The following CTNNA2 variants were observed in gnomAD, a reference collection of about 807,000 sequenced individuals.
The protein encoded by CTNNA2 is catenin alpha 2, also known as catenin alpha-2.
Under a neutral mutation model 101.0 loss-of-function variants are expected in CTNNA2, and 42 were observed. That is an observed-to-expected ratio of 0.42 (90% CI 0.32 to 0.54). The LOEUF (loss-of-function observed/expected upper bound fraction) is 0.54. Ranked by LOEUF, CTNNA2 falls within the 20% of genes least tolerant of loss-of-function variation. The pLI, the probability that CTNNA2 is intolerant of heterozygous loss-of-function variation, is 0.14. For synonymous variants in CTNNA2, 450 were observed against 456.4 expected (o/e 0.99, Z 0.18); for missense variants, 871 against 1,223.1 (o/e 0.71, Z 4.29).
At chr2:79,746,334 T>C (rs1671645912) in intron 3 of CTNNA2, among the ~76,000 whole-genome samples, 1 of 152,172 alleles carries the variant, frequency 6.6e-6, no homozygotes, top group Non-Finnish European at 1.5e-5. Context: ...GATTGGCAAA[T>C]ATTTTCTCCC....
At position 80,555,818 on chromosome 2, in the gene CTNNA2, G is replaced by T; in HGVS notation, c.1666G>T (p.Ala556Ser). 1 of 1,598,440 alleles carries T rather than the reference G, an allele frequency of 6.3e-7. No individual in the cohort carries two copies. Among genetic ancestry groups the T allele is most frequent in the East Asian group, 2.3e-5 (1 of 44,262 alleles). ...RAARVIHIINAEMENYEAGVY... is the reference protein window; with the variant it reads ...RAARVIHIINSEMENYEAGVY... ...AGCTCGAGTCATACACATCATCAAT[G>T]CTGAGATGGAGAACTATGAAGCTGG... Residue 556 changes from alanine to serine, a missense_variant, in exon 12 of 19, where the codon GCT becomes TCT. This residue lies in a region of CTNNA2 where 647 missense variants were observed against 831.5 expected (regional missense o/e 0.78). Coordinates refer to ENST00000402739, the MANE Select transcript of CTNNA2 (RefSeq NM_001282597.3).
At chr2:79,268,098 T>G (rs1675010318) in intron 2 of CTNNA2, among the ~76,000 whole-genome samples, 1 of 152,138 alleles carries the variant, frequency 6.6e-6, no homozygotes, top group African/African-American at 2.4e-5. Context: ...TCATGGTGGC[T>G]GTCCCCTGTA....
chr2:79,584,270 T>C (rs1381536204), intron 1 of CTNNA2, among the ~76,000 whole-genome samples: 1 of 152,164 alleles, frequency 6.6e-6, no homozygotes, highest in Non-Finnish European at 1.5e-5. Context: ...CTATGGTTCA[T>C]AAAAAGAGGT....
chr2:79,781,094 G>A (rs567609909), intron 3 of CTNNA2, among the ~76,000 whole-genome samples: 14 of 152,216 alleles, frequency 9.2e-5, no homozygotes, highest in Middle Eastern at 3.4e-3. Context: ...CTCCATAGAC[G>A]GAGCCAGTCC....
In CTNNA2 at chr2:80,367,202, G is replaced by A. The variant is rs578106941; in HGVS notation, c.1057-26009G>A. 3.6e-4 allele frequency among the ~76,000 whole-genome samples: 54 copies of A among 152,100 alleles called. 1 individual carries two copies. In the South Asian group the frequency reaches 5.6e-3, roughly 16 times the overall value. On this transcript the variant is annotated intron_variant, in intron 7 of 18. Coordinates refer to ENST00000402739, the MANE Select transcript of CTNNA2 (RefSeq NM_001282597.3). ...TTACTTTCACATTGCGTAGAAAAAC[G>A]GAAAACAAAATACTTCATTATCACA...
At chr2:79,461,122 G>A (rs1035904740) in intron 4 of CTNNA2, among the ~76,000 whole-genome samples, 1 of 152,190 alleles carries the variant, frequency 6.6e-6, no homozygotes, top group Non-Finnish European at 1.5e-5. Flanking sequence ...GATTATAGGC[G>A]TGAGCCACGG....
chr2:79,770,666 G>T (rs886722969), intron 3 of CTNNA2, among the ~76,000 whole-genome samples: 8 of 152,246 alleles, frequency 5.3e-5, no homozygotes, highest in South Asian at 2.1e-4. Flanking sequence ...ACAAAGAAAT[G>T]AAACATTACT....
chr2:79,983,108 C>CAGTCAA (rs1691502685), intron 7 of CTNNA2, among the ~76,000 whole-genome samples: 1 of 150,344 alleles, frequency 6.7e-6, no homozygotes, highest in Admixed American at 6.7e-5. Context: ...CCTCAAGGTC[C>CAGTCAA]AGTCAACAGT....
chr2:79,375,693 T>A (rs1677963171), intron 4 of CTNNA2, among the ~76,000 whole-genome samples: 1 of 152,186 alleles, frequency 6.6e-6, no homozygotes, highest in Non-Finnish European at 1.5e-5. Flanking sequence ...AGAAAATATT[T>A]TCTTGGTGCT....
intron 7 of CTNNA2, among the ~76,000 whole-genome samples, chr2:80,017,231 G>T (rs980586835): frequency 3.3e-5 from 5 of 152,032 alleles, no homozygotes; most frequent in Non-Finnish European, 5.9e-5. Context: ...CCATACTGCA[G>T]CCTCAGTATC....
chr2:79,390,115 C>A (rs760577133), intron 4 of CTNNA2, among the ~76,000 whole-genome samples: 16 of 152,110 alleles, frequency 1.1e-4, no homozygotes, highest in Non-Finnish European at 1.9e-4. Context: ...GACAGGGACC[C>A]AAGAGAAAGC....
At chr2:80,566,832 G>A (rs1573295849) in intron 12 of CTNNA2, among the ~76,000 whole-genome samples, 1 of 152,230 alleles carries the variant, frequency 6.6e-6, no homozygotes, top group East Asian at 1.9e-4. Context: ...AAAACTAATG[G>A]CATCATCAGG....
At chr2:80,345,252 A>G (rs1559028640) in intron 7 of CTNNA2, among the ~76,000 whole-genome samples, 1 of 152,084 alleles carries the variant, frequency 6.6e-6, no homozygotes, top group Non-Finnish European at 1.5e-5. Context: ...GCTCTTCTTC[A>G]TTCAGCTCCT....
intron 3 of CTNNA2, among the ~76,000 whole-genome samples, chr2:79,792,065 T>A (rs968646471): frequency 1.3e-5 from 2 of 152,232 alleles, no homozygotes; most frequent in Admixed American, 6.5e-5. Context: ...AGTATAATTC[T>A]TCCATTAAAA....
intron 14 of CTNNA2, among the ~76,000 whole-genome samples, chr2:80,582,566 T>C (rs975052263): frequency 3.3e-5 from 5 of 152,260 alleles, no homozygotes; most frequent in Middle Eastern, 3.4e-3. Flanking sequence ...TGATTTGCTG[T>C]ATCACCCAGA....
chr2:79,478,229 A>C (rs1360344704), intron 4 of CTNNA2, among the ~76,000 whole-genome samples: 1 of 152,194 alleles, frequency 6.6e-6, no homozygotes, highest in Non-Finnish European at 1.5e-5. Flanking sequence ...CTGCGTGCTC[A>C]ACAAACCCAT....
At chr2:80,526,792 C>G (rs1198188070) in intron 9 of CTNNA2, among the ~76,000 whole-genome samples, 1 of 152,220 alleles carries the variant, frequency 6.6e-6, no homozygotes, top group Non-Finnish European at 1.5e-5. Context: ...ATTTCAGGTG[C>G]TGTGAGAATT....
intron 9 of CTNNA2, among the ~76,000 whole-genome samples, chr2:80,438,342 C>G (rs1296379156): frequency 6.6e-6 from 1 of 151,972 alleles, no homozygotes; most frequent in Non-Finnish European, 1.5e-5. Flanking sequence ...GGAGTTAGGG[C>G]TTCAACATAT....
intron 7 of CTNNA2, among the ~76,000 whole-genome samples, chr2:80,168,940 C>A (rs1009603397): frequency 6.6e-6 from 1 of 152,208 alleles, no homozygotes; most frequent in Non-Finnish European, 1.5e-5. Context: ...GACCTTTGAT[C>A]TTGGCAAGAG....
Sources: allele counts gnomAD v4.1 joint callset (sites outside exome capture counted in the v4.1 genomes callset), GRCh38; gene constraint gnomAD v4.1.1; regional missense constraint gnomAD v4.1.1; transcripts MANE v1.5; gene names NCBI Gene and HGNC (gene_info 2026-07-23, HGNC 2026-07-21).